TLL1: variants seen among roughly 807,000 people sequenced by gnomAD.
TLL1 encodes tolloid-like protein 1.
Under a neutral mutation model 128.2 loss-of-function variants are expected in TLL1, and 49 were observed. The ratio of observed to expected loss-of-function variants is 0.38; its 90% confidence interval spans 0.30 to 0.48. TLL1 has a LOEUF of 0.48. TLL1 is among the 20% of genes least tolerant of loss of function. The pLI is 0.96. For missense variants in TLL1, 1,123 were observed against 1,242.0 expected (o/e 0.90, Z 1.44); for synonymous variants, 454 against 418.8 (o/e 1.08, Z -1.03).
chr4:165,970,218 T>C lies in TLL1; in HGVS notation c.170-19163T>C, dbSNP rs372773942. Among the ~76,000 whole-genome samples the C allele has an allele frequency of 1.8e-3, 270 of 152,322 alleles. 1 individual carries two copies. Among genetic ancestry groups the C allele is most frequent in the African/African-American group, 4.8e-3 (200 of 41,590 alleles). ...TATTTATGTTTATTATTTACTTTTG[T>C]GATTAGAGATGCTCTATTCTATTTA... is the stretch of plus-strand genomic sequence containing the variant. On this transcript the variant is annotated intron_variant, in intron 1 of 20. Coordinates refer to ENST00000061240, the MANE Select transcript of TLL1 (RefSeq NM_012464.5).
At chr4:166,031,269 T>G (rs1348412223) in intron 9 of TLL1, among the ~76,000 whole-genome samples, 2 of 152,172 alleles carry the variant, frequency 1.3e-5, no homozygotes, top group Non-Finnish European at 2.9e-5. Flanking sequence ...TATGTACGGC[T>G]TATTATATGA....
intron 9 of TLL1, among the ~76,000 whole-genome samples, chr4:166,036,536 AGTGT>A (rs2111085780): frequency 6.6e-6 from 1 of 152,274 alleles, no homozygotes; most frequent in Admixed American, 6.5e-5. Context: ...ATATTTTCCA[AGTGT>A]GTTTGATTTG....
intron 11 of TLL1, 77 bp downstream of exon 11, chr4:166,042,220 T>A (rs886662171): frequency 2.2e-6 from 2 of 923,148 alleles, no homozygotes; most frequent in Non-Finnish European, 3.6e-6. Context: ...TTCATTACAA[T>A]GACATTGTGA....
chr4:166,066,838 A>G (rs1484565983), intron 16 of TLL1, among the ~76,000 whole-genome samples: 4 of 151,768 alleles, frequency 2.6e-5, no homozygotes, highest in Admixed American at 1.3e-4. Context: ...CCTTTTACAA[A>G]TGCTTCTCAG....
At chr4:166,035,087 A>G (rs974138841) in intron 9 of TLL1, among the ~76,000 whole-genome samples, 1 of 152,194 alleles carries the variant, frequency 6.6e-6, no homozygotes, top group African/African-American at 2.4e-5. Flanking sequence ...TTAATTTCCA[A>G]CATATGAATT....
chr4:166,065,576 G>T (rs915564797), intron 15 of TLL1, 107 bp from the exon 16 acceptor site: 10 of 1,238,950 alleles, frequency 8.1e-6, no homozygotes, highest in South Asian at 1.3e-5. Context: ...GTTCTAGTTT[G>T]ACTACCGTAA....
At chr4:166,095,770 TTC>T (rs1472984985) in intron 19 of TLL1, among the ~76,000 whole-genome samples, 1 of 152,112 alleles carries the variant, frequency 6.6e-6, no homozygotes, top group Non-Finnish European at 1.5e-5. Context: ...CTTGTTACCT[TTC>T]TTATTCAGCT....
At chr4:166,011,198 A>G (rs1272575081) in intron 7 of TLL1, among the ~76,000 whole-genome samples, 3 of 151,444 alleles carry the variant, frequency 2.0e-5, no homozygotes, top group South Asian at 2.1e-4. Context: ...AGCAAAAAAA[A>G]TGTTGGGATT....
At chr4:166,098,334 CAAAAAAAAAAA>C (rs3047106) in intron 19 of TLL1, among the ~76,000 whole-genome samples, 1 of 110,400 alleles carries the variant, frequency 9.1e-6, no homozygotes, top group African/African-American at 3.6e-5. Context: ...GAGTTCTTCT[CAAAAAAAAAAA>C]AAAAAAAAAA....
At chr4:166,058,572 C>T (rs1303553673) in intron 14 of TLL1, among the ~76,000 whole-genome samples, 2 of 152,082 alleles carry the variant, frequency 1.3e-5, no homozygotes, top group Non-Finnish European at 1.5e-5. Flanking sequence ...TTAAAGCTAA[C>T]TCTTTTTTAT....
chr4:166,072,915 C>A (rs1431829701), intron 16 of TLL1, among the ~76,000 whole-genome samples: 2 of 149,874 alleles, frequency 1.3e-5, no homozygotes, highest in African/African-American at 5.1e-5. Flanking sequence ...AACTAATTTT[C>A]TCTAAGCTGC....
intron 1 of TLL1, among the ~76,000 whole-genome samples, chr4:165,949,518 T>C (rs1412240724): frequency 6.6e-6 from 1 of 152,088 alleles, no homozygotes; most frequent in Non-Finnish European, 1.5e-5. Flanking sequence ...CATACAACTG[T>C]ATTAGTCCGT....
intron 6 of TLL1, among the ~76,000 whole-genome samples, chr4:166,006,119 A>G (rs1737414066): frequency 6.6e-6 from 1 of 151,854 alleles, no homozygotes; most frequent in Non-Finnish European, 1.5e-5. Flanking sequence ...ATGTCTAATA[A>G]GCACAAACTT....
At chr4:166,026,647 G>A (rs1226879254) in intron 9 of TLL1, among the ~76,000 whole-genome samples, 3 of 151,842 alleles carry the variant, frequency 2.0e-5, no homozygotes, top group East Asian at 3.9e-4. Flanking sequence ...AGATGGCGCC[G>A]TTGCACTGCA....
intron 17 of TLL1, among the ~76,000 whole-genome samples, chr4:166,076,947 G>T (rs1489124127): frequency 6.6e-6 from 1 of 152,130 alleles, no homozygotes. Context: ...CTAATGTTGG[G>T]CATGTTACCC....
chr4:165,920,915 T>G (rs530810450), intron 1 of TLL1, among the ~76,000 whole-genome samples: 3 of 152,346 alleles, frequency 2.0e-5, no homozygotes, highest in East Asian at 3.8e-4. Flanking sequence ...TAGATCCAAC[T>G]TAGATAAATT....
At chr4:166,085,904 A>G (rs1000409082) in intron 18 of TLL1, among the ~76,000 whole-genome samples, 1 of 152,088 alleles carries the variant, frequency 6.6e-6, no homozygotes, top group Admixed American at 6.6e-5. Context: ...AGCCTACTGT[A>G]CTTTCTAATC....
chr4:166,021,432 C>CT (rs113942126), intron 8 of TLL1, among the ~76,000 whole-genome samples: 7,174 of 120,426 alleles, frequency 0.06, 324 homozygotes, highest in African/African-American at 0.076. Flanking sequence ...TTATTTTTGC[C>CT]TTTTTTTTTT....
chr4:166,055,345 G>C lies in TLL1; in HGVS notation c.1720+74G>C. 2.3e-6 allele frequency: 3 copies of C among 1,317,832 alleles called. No individual in the cohort carries two copies. The South Asian group carries it at 3.6e-5, about 16-fold the overall frequency. 81.6% of individuals were successfully genotyped at this position (1,317,832 alleles called of 1,614,324 possible). On this transcript the variant is annotated intron_variant, in intron 13 of 20. Transcript: ENST00000061240. ...TTGTAGTGTTTAGCTTTGATTTAGG[G>C]GAGAACTAGAGAAAGTTGTATTGAA...
Sources: gnomAD v4.1 joint callset for allele counts (sites outside exome capture counted in the v4.1 genomes callset) on GRCh38, gnomAD v4.1.1 for gene constraint, MANE v1.5 for transcripts, NCBI Gene and HGNC (gene_info 2026-07-23, HGNC 2026-07-21) for gene names.